The following COG6 variants were observed in gnomAD, a reference collection of about 807,000 sequenced individuals.
COG6 encodes the protein conserved oligomeric Golgi complex subunit 6.
A neutral mutation model predicts 88.8 loss-of-function variants in COG6; 74 were observed. That is an observed-to-expected ratio of 0.83 (90% confidence interval 0.69 to 1.01). The LOEUF is 1.01. Ranked by LOEUF, COG6 falls within the 50% of genes least tolerant of loss-of-function variation. The pLI, the probability that COG6 is intolerant of heterozygous loss-of-function variation, is 0.00. For synonymous variants in COG6, 286 were observed against 278.7 expected (o/e 1.03, Z -0.26); for missense variants, 800 against 797.9 (o/e 1.00, Z -0.03).
At chr13:39,783,572 G>A (rs1342092932) in intron 18 of COG6, among the ~76,000 whole-genome samples, 2 of 152,068 alleles carry the variant, frequency 1.3e-5, no homozygotes, top group Non-Finnish European at 2.9e-5. Flanking sequence ...GGTACAGTTG[G>A]CAGTATTACT....
At chr13:39,789,218 T>G (rs972275615) in exon 19 of COG6, 1 of 152,208 alleles carries the variant, frequency 6.6e-6, no homozygotes, top group Non-Finnish European at 1.5e-5. Flanking sequence ...ATGTTTTGCA[T>G]CATATTTCAC....
At chr13:39,768,870 G>T (rs2138174233) in intron 18 of COG6, among the ~76,000 whole-genome samples, 1 of 152,214 alleles carries the variant, frequency 6.6e-6, no homozygotes, top group African/African-American at 2.4e-5. Flanking sequence ...CCATCAGAGG[G>T]AAGCATTTGC....
intron 18 of COG6, among the ~76,000 whole-genome samples, chr13:39,759,120 AAATGTCCTGGAACTAC>A (rs1282478565): frequency 6.6e-6 from 1 of 151,906 alleles, no homozygotes; most frequent in Admixed American, 6.6e-5. Context: ...GGAGTGATAG[AAATGTCCTGGAACTAC>A]ACAGTGATGA....
intron 18 of COG6, among the ~76,000 whole-genome samples, chr13:39,742,774 T>G (rs1199049031): frequency 6.6e-6 from 1 of 152,048 alleles, no homozygotes; most frequent in African/African-American, 2.4e-5. Flanking sequence ...TCTACAGAAC[T>G]CTCCACCCCA....
chr13:39,674,029 T>C (rs989406521), intron 4 of COG6, among the ~76,000 whole-genome samples: 2 of 151,860 alleles, frequency 1.3e-5, no homozygotes, highest in South Asian at 2.1e-4. Flanking sequence ...ATGAAAAATA[T>C]TATCACACCA....
At position 39,677,472 on chromosome 13, in the gene COG6, A is replaced by G; in HGVS notation, c.433A>G (p.Lys145Glu). The change falls in exon 5 of 19, where the codon AAA (lysine) becomes GAA (glutamate). Residue 145 changes from lysine (K) to glutamate (E), a missense_variant. By Grantham distance (56) the Lys-to-Glu change is moderately conservative (BLOSUM62 1). Coordinates refer to ENST00000455146, the MANE Select transcript of COG6 (RefSeq NM_020751.3). Reference sequence around the variant, plus strand: ...TGCTTGTTTTGAAAATTACAGCCAAAAATTAGAGATAAGAGCTCAAGTTGC... The same window carrying G: ...TGCTTGTTTTGAAAATTACAGCCAAGAATTAGAGATAAGAGCTCAAGTTGC... Reference protein sequence around the residue: ...KTTKLQSESQKLEIRAQVADA... With the variant: ...KTTKLQSESQELEIRAQVADA... 1 of 1,602,334 alleles carries G rather than the reference A, an allele frequency of 6.2e-7. No individual in the cohort carries two copies. The highest frequency in any genetic ancestry group is 8.6e-7 in the Non-Finnish European group (1 of 1,169,490).
chr13:39,669,292 A>G (rs1875474382), intron 4 of COG6, among the ~76,000 whole-genome samples: 1 of 152,230 alleles, frequency 6.6e-6, no homozygotes, highest in Non-Finnish European at 1.5e-5. Flanking sequence ...CTCTAAGTTA[A>G]TGCTGAACAC....
chr13:39,721,239 G>A (rs897942238), intron 15 of COG6, among the ~76,000 whole-genome samples: 6 of 151,772 alleles, frequency 4.0e-5, no homozygotes, highest in Admixed American at 1.3e-4. Context: ...GCTATTTTAC[G>A]CATGGTAAAA....
At chr13:39,714,853 A>G (rs1878438566) in intron 13 of COG6, among the ~76,000 whole-genome samples, 1 of 152,196 alleles carries the variant, frequency 6.6e-6, no homozygotes, top group Non-Finnish European at 1.5e-5. Context: ...TTGTAAAGAT[A>G]TGGAACCAGC....
chr13:39,699,306 T>C (rs752134530), intron 12 of COG6, among the ~76,000 whole-genome samples, 195 bp from the exon 13 acceptor site: 62 of 151,846 alleles, frequency 4.1e-4, no homozygotes, highest in Non-Finnish European at 6.6e-4. Flanking sequence ...GTTTTTATTT[T>C]TTCATCACCT....
chr13:39,676,695 A>G (rs1226513621), intron 4 of COG6, among the ~76,000 whole-genome samples: 1 of 152,150 alleles, frequency 6.6e-6, no homozygotes, highest in Non-Finnish European at 1.5e-5. Flanking sequence ...GAATATTACT[A>G]TTCTCTGAAT....
chr13:39,675,990 G>A (rs1426778219), intron 4 of COG6, among the ~76,000 whole-genome samples: 1 of 151,940 alleles, frequency 6.6e-6, no homozygotes, highest in Non-Finnish European at 1.5e-5. Flanking sequence ...AATGTTTCAA[G>A]GTAATTACCA....
intron 3 of COG6, among the ~76,000 whole-genome samples, chr13:39,662,226 T>A (rs1874945897): frequency 6.7e-6 from 1 of 148,840 alleles, no homozygotes; most frequent in African/African-American, 2.5e-5. Context: ...ACCTTCTGAG[T>A]TCAAACAATT....
rs563903697 is a variant in COG6, at chr13:39,774,673, C to G, written c.1827-13662C>G. ...CACTGCAACCTCCACCTCCCGGGTT[C>G]AAGCGATTCTTCTGCCTCAGCCTCC... On this transcript the variant is annotated intron_variant, in intron 18 of 18. Transcript: ENST00000416691. Among the ~76,000 whole-genome samples the G allele has an allele frequency of 6.6e-5, 10 of 152,084 alleles. No homozygotes were observed. The South Asian group carries it at 1.7e-3, about 25-fold the overall frequency.
rs146229425 is a variant in COG6 at position 39,660,832 on chromosome 13, A to T, written c.320A>T (p.Asp107Val). 3.8e-4 allele frequency: 617 copies of T among 1,610,024 alleles called. 4 individuals are homozygous for T. In the African/African-American group the frequency reaches 6.9e-3, roughly 18 times the overall value. Residue 107 changes from aspartate to valine, a missense_variant, in exon 3 of 19, where the codon GAT (aspartate) becomes GTT (valine). Transcript: ENST00000455146. The stretch of plus-strand genomic sequence containing the variant: ...CAGGAACTTGAAAGCATAAGCGAAG[A>T]TGTTCAAGCAATGAGCAACTGTTGT... ...VKEELESISEDVQAMSNCCQD... is the reference protein window; with the variant it reads ...VKEELESISEVVQAMSNCCQD...
exon 19 of COG6, chr13:39,789,493 C>T (rs991632517): frequency 6.6e-6 from 1 of 152,208 alleles, no homozygotes; most frequent in Non-Finnish European, 1.5e-5. Context: ...CTGCTCCACC[C>T]TGACTCATTC....
intron 8 of COG6, among the ~76,000 whole-genome samples, chr13:39,682,798 TTTA>T (rs1234896421): frequency 6.6e-5 from 10 of 152,118 alleles, no homozygotes; most frequent in South Asian, 4.1e-4. Context: ...TGATATGTTT[TTTA>T]TTATTTTATA....
At chr13:39,715,839 A>G (rs980309429) in intron 13 of COG6, among the ~76,000 whole-genome samples, 1 of 152,056 alleles carries the variant, frequency 6.6e-6, no homozygotes, top group Non-Finnish European at 1.5e-5. Flanking sequence ...ACTGATATGC[A>G]TATATTTATA....
intron 15 of COG6, among the ~76,000 whole-genome samples, chr13:39,721,649 C>T (rs1878855613): frequency 6.6e-6 from 1 of 152,046 alleles, no homozygotes; most frequent in South Asian, 2.1e-4. Context: ...GAGGACAATA[C>T]AAAGGTGTGG....
Sources: gnomAD v4.1 joint callset for allele counts (sites outside exome capture counted in the v4.1 genomes callset) on GRCh38, gnomAD v4.1.1 for gene constraint, MANE v1.5 for transcripts, NCBI Gene and HGNC (gene_info 2026-07-23, HGNC 2026-07-21) for gene names.